Variants in ADAM15 observed in about 807,000 individuals in gnomAD.
The protein encoded by ADAM15 is disintegrin and metalloproteinase domain-containing protein 15.
A neutral mutation model predicts 113.8 loss-of-function variants in ADAM15; 77 were observed. The ratio of observed to expected loss-of-function variants is 0.68; its 90% CI spans 0.56 to 0.82. ADAM15 has a LOEUF of 0.82. ADAM15 is among the 40% of genes least tolerant of loss of function. ADAM15 has a pLI of 0.00. For missense variants in ADAM15, 963 were observed against 1,120.1 expected, an observed-to-expected ratio of 0.86 and a Z score of 2.00; for synonymous variants, 388 against 454.1, an observed-to-expected ratio of 0.85 and a Z score of 1.85.
At chr1:155,051,734 A>G (rs1661052765) in intron 1 of ADAM15, 1 of 370,484 alleles carries the variant, frequency 2.7e-6, no homozygotes, top group South Asian at 4.3e-5. Context: ...GGTACCAGGT[A>G]CCGAGGGGCC....
chr1:155,057,278 G>A lies in ADAM15; in HGVS notation c.1239G>A (p.Arg413=), dbSNP rs1301391781. 1 of 1,614,192 alleles carries A rather than the reference G, an allele frequency of 6.2e-7. No individual in the cohort carries two copies. The highest frequency in any genetic ancestry group is 2.2e-5 in the East Asian group (1 of 44,884). ...LDGMGSCLFE[R]LPSLPPMAAF... is the part of the protein sequence containing the mutation. ...GAATGGGCAGCTGCCTCTTCGAACGGCTGCCTAGCCTACCCCCTATGGCTG... is the reference window on the plus strand; with the variant it reads ...GAATGGGCAGCTGCCTCTTCGAACGACTGCCTAGCCTACCCCCTATGGCTG... The change falls in exon 12 of 23, where the codon CGG becomes CGA. Residue 413 remains arginine (R), a synonymous_variant. Transcript: ENST00000356955. This position sits in a 1 kb window ranked among gnomAD's most constrained non-coding sequence, Gnocchi z 5.0.
chr1:155,060,916 C>T (rs957440644), intron 19 of ADAM15, 84 bp downstream of exon 19: 4 of 1,335,294 alleles, frequency 3.0e-6, no homozygotes, highest in Admixed American at 3.6e-5. Flanking sequence ...TTAAAGGCTC[C>T]AGACTCAGAG....
rs1661681492 is a variant in ADAM15, at chr1:155,055,826, T to C, written c.649T>C (p.Leu217=). ...GGTAACAGAGACCAAGACTGTGGAG[T>C]TGGTGATTGTGGCTGATCACTCGGA... The part of the protein sequence containing the change: ...DVVTETKTVE[L]VIVADHSEAQ... The change falls in exon 7 of 23, where the codon TTG becomes CTG. Residue 217 remains leucine, a synonymous_variant. Coordinates refer to ENST00000356955, the MANE Select transcript of ADAM15 (RefSeq NM_207197.3). 1 of 1,614,052 alleles carries C rather than the reference T, an allele frequency of 6.2e-7. No homozygotes were observed. Among genetic ancestry groups the C allele is most frequent in the South Asian group, 1.1e-5 (1 of 91,072 alleles).
chr1:155,052,886 G>C, intron 2 of ADAM15, 109 bp downstream of exon 2: 1 of 1,414,550 alleles, frequency 7.1e-7, no homozygotes, highest in South Asian at 1.4e-5. Flanking sequence ...AGAGCTCACT[G>C]TAGTGGGTCT....
At chr1:155,054,094 A>C (rs2102392050) in intron 4 of ADAM15, 56 bp from the exon 5 acceptor site, 2 of 1,612,998 alleles carry the variant, frequency 1.2e-6, no homozygotes, top group Non-Finnish European at 1.7e-6. Flanking sequence ...TAGGCTCCTC[A>C]GTTCCAGTCC....
In ADAM15 at chr1:155,057,758, A is replaced by C. The variant is rs1302949614; in HGVS notation, c.1416+29A>C. ...GGTAGAGACTAGACTGGCCACCCGG[A>C]GCTCACCTGCCGGGGCCAAGGTGGA... On this transcript the variant is annotated intron_variant, in intron 13 of 22. Coordinates refer to ENST00000356955, the MANE Select transcript of ADAM15 (RefSeq NM_207197.3). The surrounding 1 kb of genome is among the most constrained non-coding windows in gnomAD (Gnocchi z 5.0). The C allele has an allele frequency of 6.2e-7, 1 of 1,613,992 alleles. No homozygotes were observed. Among genetic ancestry groups the C allele is most frequent in the East Asian group, 2.2e-5 (1 of 44,886 alleles).
intron 2 of ADAM15, among the ~76,000 whole-genome samples, chr1:155,053,115 C>T (rs938253430): frequency 9.8e-5 from 13 of 132,208 alleles, no homozygotes; most frequent in Non-Finnish European, 1.2e-4. Flanking sequence ...AAACCCCCCC[C>T]CCCCCACCCC....
Position 155,062,387 on chromosome 1 carries a change from C to T in ADAM15, c.2549+18C>T. 4 of 1,604,238 alleles carry T rather than the reference C, an allele frequency of 2.5e-6. No homozygotes were observed. Among genetic ancestry groups the T allele is most frequent in the Non-Finnish European group, 3.4e-6 (4 of 1,175,916 alleles). ...CCCTCCAGGTAGGAGGAGCCCTGGG[C>T]ATGGGTGGGCGGGGCGAGTGACCTG... On this transcript the variant is annotated intron_variant, in intron 22 of 22. Coordinates refer to ENST00000356955, the MANE Select transcript of ADAM15 (RefSeq NM_207197.3). This position sits in a 1 kb window ranked among gnomAD's most constrained non-coding sequence, Gnocchi z 7.0.
rs975150552 is a variant in ADAM15, at chr1:155,059,203, G to A, written c.1995+416G>A. ...ATGTCTCAGCCTCCCTACTCGCTGG[G>A]ATTACAGTCACCCGCCACCATGCCC... On this transcript the variant is annotated intron_variant, in intron 16 of 22. Transcript: ENST00000356955. Among the ~76,000 whole-genome samples the A allele has an allele frequency of 1.6e-4, 25 of 152,256 alleles. No individual in the cohort carries two copies. In the South Asian group the frequency reaches 1.9e-3, roughly 11 times the overall value.
In ADAM15 at chr1:155,057,049, C is replaced by T; in HGVS notation, c.1096C>T (p.Pro366Ser). ...CCATGATTTGCCTGGGAATAGCTGCCCCTGTCCAGGTCCAGCCCCAGCCAA... is the reference window on the plus strand; with the variant it reads ...CCATGATTTGCCTGGGAATAGCTGCTCCTGTCCAGGTCCAGCCCCAGCCAA... The part of the protein sequence containing the change: ...LDHDLPGNSC[P>S]CPGPAPAKTC... Residue 366 changes from proline (P) to serine (S), a missense_variant, in exon 11 of 23, where the codon CCC (proline) becomes TCC (serine). Transcript: ENST00000356955. The surrounding 1 kb of genome is among the most constrained non-coding windows in gnomAD (Gnocchi z 5.0). The T allele has an allele frequency of 6.2e-7, 1 of 1,604,124 alleles. No homozygotes were observed. The highest frequency in any genetic ancestry group is 1.1e-5 in the South Asian group (1 of 89,898).
Position 155,057,665 on chromosome 1 carries a change from T to G in ADAM15, c.1352T>G (p.Leu451Trp). Residue 451 changes from leucine (L) to tryptophan (W), a missense_variant, in exon 13 of 23, where the codon TTG (leucine) becomes TGG (tryptophan). Physicochemically the swap from Leu to Trp is moderately conservative, Grantham distance 61 (BLOSUM62 -2). Transcript: ENST00000356955. The surrounding 1 kb of genome is among the most constrained non-coding windows in gnomAD (Gnocchi z 5.0). ...TGCGTCGATCCCTGCTGTGATTCTT[T>G]GACCTGCCAGCTGAGGCCAGGTGCA... Reference protein sequence around the residue: ...DDCVDPCCDSLTCQLRPGAQC... With the variant: ...DDCVDPCCDSWTCQLRPGAQC... 1 of 1,614,194 alleles carries G rather than the reference T, an allele frequency of 6.2e-7. No homozygotes were observed. The highest frequency in any genetic ancestry group is 8.5e-7 in the Non-Finnish European group (1 of 1,180,028).
Position 155,058,740 on chromosome 1 carries a change from G to T in ADAM15, c.1948G>T (p.Asp650Tyr). The T allele has an allele frequency of 6.2e-7, 1 of 1,613,878 alleles. No individual in the cohort carries two copies. The highest frequency in any genetic ancestry group is 8.5e-7 in the Non-Finnish European group (1 of 1,179,886). ...TATAGACCATCGATGCCAGCGTGTG[G>T]ATCTCCTGGGGGCACAGGAATGTCG... ...VCIDHRCQRV[D>Y]LLGAQECRSK... Residue 650 changes from aspartate to tyrosine, a missense_variant, in exon 16 of 23, where the codon GAT (aspartate) becomes TAT (tyrosine). Physicochemically the swap from Asp to Tyr is radical, Grantham distance 160. Transcript: ENST00000356955. This position sits in a 1 kb window ranked among gnomAD's most constrained non-coding sequence, Gnocchi z 4.3.
In ADAM15 at chr1:155,058,376, G is replaced by A. The variant is rs1414021202; in HGVS notation, c.1852G>A (p.Asp618Asn). The change falls in exon 15 of 23, where the codon GAC becomes AAC. Residue 618 changes from aspartate to asparagine, a missense_variant. Coordinates refer to ENST00000356955, the MANE Select transcript of ADAM15 (RefSeq NM_207197.3). The surrounding 1 kb of genome is among the most constrained non-coding windows in gnomAD (Gnocchi z 4.3). Reference sequence around the variant, plus strand: ...GCTGAACTGCAGCTGGGTGCACCTGGACCTGGGCAGTGATGTGGCCCAGCC... The same window carrying A: ...GCTGAACTGCAGCTGGGTGCACCTGAACCTGGGCAGTGATGTGGCCCAGCC... ...TELNCSWVHL[D>N]LGSDVAQPLL... 6.2e-7 allele frequency: 1 copy of A among 1,613,742 alleles called. No individual in the cohort carries two copies. The highest frequency in any genetic ancestry group is 8.5e-7 in the Non-Finnish European group (1 of 1,180,040).
intron 18 of ADAM15, 78 bp from the exon 19 acceptor site, chr1:155,060,685 C>A (rs1558132818): frequency 1.3e-6 from 2 of 1,486,322 alleles, no homozygotes; most frequent in East Asian, 2.3e-5. Context: ...AAGGGTTAAC[C>A]CCACTCAGGG....
rs754171034 is a variant in ADAM15, at chr1:155,056,192, A to T, written c.857A>T (p.His286Leu). 11 of 1,613,740 alleles carry T rather than the reference A, an allele frequency of 6.8e-6. No homozygotes were observed. Among genetic ancestry groups the T allele is most frequent in the South Asian group, 6.6e-5 (6 of 91,070 alleles). Residue 286 changes from histidine to leucine, a missense_variant, in exon 9 of 23, where the codon CAC (histidine) becomes CTC (leucine). Transcript: ENST00000356955. This position sits in a 1 kb window ranked among gnomAD's most constrained non-coding sequence, Gnocchi z 4.0. The part of the protein sequence containing the change: ...NPAVTLENFL[H>L]WRRAHLLPRL... ...GCTGTCACCCTCGAAAACTTCCTCC[A>T]CTGGCGCAGGGCACATTTGCTGCCT...
At chr1:155,055,573 CAGAA>C in intron 6 of ADAM15, 1 of 586,238 alleles carries the variant, frequency 1.7e-6, no homozygotes, top group East Asian at 2.9e-5. Flanking sequence ...AGTTTGGAGC[CAGAA>C]AAGCAGGGGT....
chr1:155,053,759 A>G (rs1661396493), intron 3 of ADAM15, 151 bp from the exon 4 acceptor site: 4 of 860,250 alleles, frequency 4.6e-6, no homozygotes, highest in Non-Finnish European at 7.3e-6. Context: ...TGGCCCAACC[A>G]GTATACTTTG....
rs199910270 is a variant in ADAM15, at chr1:155,053,953, G to A, written c.307G>A (p.Asp103Asn). The A allele has an allele frequency of 1.1e-5, 18 of 1,614,190 alleles. No individual in the cohort carries two copies. The highest frequency in any genetic ancestry group is 8.8e-5 in the South Asian group (8 of 91,086). The part of the protein sequence containing the change: ...GRPTLVWYQP[D>N]GTRVVSEGHT... ...CCCAACCCTGGTGTGGTACCAGCCC[G>A]ATGGCACTCGGGTGGTCAGTGAGGG... Residue 103 changes from aspartate (D) to asparagine (N), a missense_variant, in exon 4 of 23, where the codon GAT becomes AAT. Physicochemically the swap from Asp to Asn is conservative, Grantham distance 23. Coordinates refer to ENST00000356955, the MANE Select transcript of ADAM15 (RefSeq NM_207197.3).
At position 155,054,184 on chromosome 1, in the gene ADAM15, A is replaced by G. The variant is rs1262448012; in HGVS notation, c.377A>G (p.Tyr126Cys). Residue 126 changes from tyrosine (Y) to cysteine (C), a missense_variant, in exon 5 of 23, where the codon TAT becomes TGT. Transcript: ENST00000356955. Reference sequence around the variant, plus strand: ...TGCTACCAGGGAAGAGTGCGGGGATATGCAGGCTCCTGGGTGTCCATCTGC... The same window carrying G: ...TGCTACCAGGGAAGAGTGCGGGGATGTGCAGGCTCCTGGGTGTCCATCTGC... ...NCCYQGRVRG[Y>C]AGSWVSICTC... 2 of 1,612,174 alleles carry G rather than the reference A, an allele frequency of 1.2e-6. No homozygotes were observed. Among genetic ancestry groups the G allele is most frequent in the African/African-American group, 2.7e-5 (2 of 74,732 alleles).
Sources: allele counts gnomAD v4.1 joint callset (sites outside exome capture counted in the v4.1 genomes callset), GRCh38; gene constraint gnomAD v4.1.1; non-coding constraint Gnocchi (gnomAD v3.1); transcripts MANE v1.5; gene names NCBI Gene and HGNC (gene_info 2026-07-23, HGNC 2026-07-21).